Variants in SDK1 observed in about 807,000 individuals in gnomAD.
SDK1 encodes sidekick cell adhesion molecule 1, also known as protein sidekick-1.
Under a neutral mutation model 245.5 loss-of-function variants are expected in SDK1, and 157 were observed. That is an observed-to-expected ratio of 0.64 (90% CI 0.56 to 0.73). The LOEUF is 0.73. Among genes scored for constraint, SDK1 ranks in the 30% least tolerant of loss-of-function variants. The pLI is 0.00. For missense variants in SDK1, 3,583 were observed against 3,002.3 expected (o/e 1.19, Z -4.52); for synonymous variants, 1,647 against 1,278.5 (o/e 1.29, Z -6.15).
rs1787342207 is a variant in SDK1, at chr7:4,026,311, G to C, written c.2602+8959G>C. ...GCAGGAGCCCAAGCGAGTGGCCAGAGCTTCCACCCTCGGTGGCCTTGGGCC... is the reference window on the plus strand; with the variant it reads ...GCAGGAGCCCAAGCGAGTGGCCAGACCTTCCACCCTCGGTGGCCTTGGGCC... On this transcript the variant is annotated intron_variant, in intron 17 of 44. Coordinates refer to ENST00000404826, the MANE Select transcript of SDK1 (RefSeq NM_152744.4). The surrounding 1 kb of genome is among the most constrained non-coding windows in gnomAD (Gnocchi z 4.1). Among the ~76,000 whole-genome samples the C allele has an allele frequency of 6.6e-6, 1 of 152,258 alleles. No homozygotes were observed. Among genetic ancestry groups the C allele is most frequent in the East Asian group, 1.9e-4 (1 of 5,196 alleles).
chr7:3,629,269 C>A (rs531221297), intron 2 of SDK1, among the ~76,000 whole-genome samples: 9 of 150,920 alleles, frequency 6.0e-5, no homozygotes, highest in African/African-American at 2.2e-4. Context: ...CCACTGCACT[C>A]CAGCCTGGGA....
intron 14 of SDK1, among the ~76,000 whole-genome samples, chr7:3,988,025 C>G (rs940462464): frequency 1.3e-5 from 2 of 152,172 alleles, no homozygotes; most frequent in Admixed American, 1.3e-4. Context: ...GTATCCTTCA[C>G]CCAGGATTCC....
chr7:3,423,947 T>TGGATTTTTGAG (rs1779603012), intron 1 of SDK1, among the ~76,000 whole-genome samples: 1 of 151,554 alleles, frequency 6.6e-6, no homozygotes. Flanking sequence ...GATGAGTCTC[T>TGGATTTTTGAG]ATTGCCCAGG....
chr7:4,194,120 G>A (rs541415163), intron 35 of SDK1, among the ~76,000 whole-genome samples: 1 of 152,038 alleles, frequency 6.6e-6, no homozygotes, highest in African/African-American at 2.4e-5. Flanking sequence ...TGAATATTCT[G>A]TCTCTCTAGA....
At chr7:3,898,368 A>G (rs531895105) in intron 5 of SDK1, among the ~76,000 whole-genome samples, 9 of 152,312 alleles carry the variant, frequency 5.9e-5, no homozygotes, top group East Asian at 1.9e-4. Flanking sequence ...GTCCGGTACA[A>G]TGTCACATCA....
intron 13 of SDK1, among the ~76,000 whole-genome samples, chr7:3,984,232 G>T (rs1783646049): frequency 6.6e-6 from 1 of 151,998 alleles, no homozygotes; most frequent in African/African-American, 2.4e-5. Context: ...CATATTCCAG[G>T]GACTGTGAGA....
intron 1 of SDK1, among the ~76,000 whole-genome samples, chr7:3,487,961 CTG>C (rs1781753803): frequency 6.6e-6 from 1 of 152,028 alleles, no homozygotes; most frequent in Admixed American, 6.6e-5. Context: ...GCATCTGTGT[CTG>C]TGGTATTGTT....
intron 21 of SDK1, among the ~76,000 whole-genome samples, chr7:4,077,766 A>T (rs955599525): frequency 1.3e-5 from 2 of 152,186 alleles, no homozygotes; most frequent in Non-Finnish European, 2.9e-5. Context: ...AGAACAGCAC[A>T]GGAAAGACCT....
intron 5 of SDK1, among the ~76,000 whole-genome samples, chr7:3,836,734 A>T (rs1780036307): frequency 6.6e-6 from 1 of 152,240 alleles, no homozygotes. Flanking sequence ...TTAAAATTCC[A>T]CAATGAGTAT....
intron 4 of SDK1, among the ~76,000 whole-genome samples, chr7:3,656,647 G>T (rs1001909438): frequency 5.9e-5 from 9 of 152,032 alleles, no homozygotes; most frequent in Admixed American, 3.3e-4. Context: ...CCAAGGGTCA[G>T]TGGGACTCAA....
At chr7:3,746,785 G>C (rs144836891) in intron 4 of SDK1, among the ~76,000 whole-genome samples, 2 of 152,270 alleles carry the variant, frequency 1.3e-5, no homozygotes, top group South Asian at 2.1e-4. Flanking sequence ...TTCTTCCACT[G>C]CAATGCTGAA....
chr7:3,383,273 T>A (rs756639561), intron 1 of SDK1, among the ~76,000 whole-genome samples: 4 of 152,060 alleles, frequency 2.6e-5, no homozygotes, highest in African/African-American at 4.8e-5. Flanking sequence ...TAGCCTGGTG[T>A]GGTGGCATGT....
chr7:3,672,011 C>G (rs145802949), intron 4 of SDK1, among the ~76,000 whole-genome samples: 1 of 152,082 alleles, frequency 6.6e-6, no homozygotes, highest in Non-Finnish European at 1.5e-5. Flanking sequence ...ACACATGGAC[C>G]CTGAGGCATA....
chr7:4,108,210 G>A (rs1328514034), intron 22 of SDK1, among the ~76,000 whole-genome samples: 1 of 152,208 alleles, frequency 6.6e-6, no homozygotes, highest in Non-Finnish European at 1.5e-5. Context: ...GATGGAGGAA[G>A]GCAGCTGCCA....
chr7:3,739,608 A>C (rs968922875), intron 4 of SDK1, among the ~76,000 whole-genome samples: 2 of 152,252 alleles, frequency 1.3e-5, no homozygotes, highest in African/African-American at 4.8e-5. Flanking sequence ...CCTTTTAACC[A>C]AAATTAATAC....
chr7:3,943,613 G>A (rs898163100), intron 5 of SDK1, among the ~76,000 whole-genome samples: 1 of 151,298 alleles, frequency 6.6e-6, no homozygotes, highest in Non-Finnish European at 1.5e-5. Flanking sequence ...TCCCCAACCC[G>A]GCGCACGGTG....
chr7:3,873,296 A>T (rs759800758), intron 5 of SDK1, among the ~76,000 whole-genome samples: 6 of 152,160 alleles, frequency 3.9e-5, no homozygotes, highest in Non-Finnish European at 8.8e-5. Flanking sequence ...TCTGCCAAGA[A>T]GTCTGCTATA....
intron 14 of SDK1, among the ~76,000 whole-genome samples, chr7:3,991,803 C>T (rs1348307035): frequency 3.3e-5 from 5 of 152,340 alleles, no homozygotes; most frequent in Non-Finnish European, 7.3e-5. Context: ...GTGCTGCTAC[C>T]AGCTGGTTGG....
At chr7:4,015,584 G>A (rs978629832) in intron 16 of SDK1, among the ~76,000 whole-genome samples, 1 of 152,160 alleles carries the variant, frequency 6.6e-6, no homozygotes, top group Non-Finnish European at 1.5e-5. Context: ...ATGCTACGTC[G>A]GTGATCTGAA....
Sources: gnomAD v4.1 joint callset for allele counts (sites outside exome capture counted in the v4.1 genomes callset) on GRCh38, gnomAD v4.1.1 for gene constraint, Gnocchi (gnomAD v3.1) non-coding constraint, MANE v1.5 for transcripts, NCBI Gene and HGNC (gene_info 2026-07-23, HGNC 2026-07-21) for gene names.